Variants in RRBP1 observed in about 807,000 individuals in gnomAD.
The protein encoded by RRBP1 is ribosome binding protein 1, also known as ribosome-binding protein 1.
RRBP1 carries 94 observed loss-of-function variants against 165.2 expected under a neutral mutation model. The observed-to-expected ratio is 0.57, with a 90% CI of 0.48 to 0.68. The LOEUF is 0.68. Ranked by LOEUF, RRBP1 falls within the 30% of genes least tolerant of loss-of-function variation. The pLI is 0.00. For missense variants in RRBP1, 1,676 were observed against 1,763.0 expected, an observed-to-expected ratio of 0.95 and a Z score of 0.88; for synonymous variants, 680 against 714.5, an observed-to-expected ratio of 0.95 and a Z score of 0.77.
intron 8 of RRBP1, among the ~76,000 whole-genome samples, chr20:17,630,869 A>G (rs2036137546): frequency 6.6e-6 from 1 of 152,238 alleles, no homozygotes; most frequent in African/African-American, 2.4e-5. Context: ...CAATGCCTTT[A>G]CCAAGCTGAT....
At chr20:17,632,999 C>T (rs1282022266) in intron 8 of RRBP1, among the ~76,000 whole-genome samples, 1 of 152,188 alleles carries the variant, frequency 6.6e-6, no homozygotes, top group Non-Finnish European at 1.5e-5. Flanking sequence ...GCTGGCTGCT[C>T]CAGAGCTGCA....
chr20:17,659,806 T>A lies in RRBP1; in HGVS notation c.702A>T (p.Gly234=). 6.5e-7 allele frequency: 1 copy of A among 1,550,068 alleles called. No homozygotes were observed. Among genetic ancestry groups the A allele is most frequent in the Non-Finnish European group, 8.7e-7 (1 of 1,146,786 alleles). ...GTPNQGKKTE[G]TPNQGKKAEG... ...CTGCCTTTTTCCCTTGGTTTGGGGT[T>A]CCCTCTGTCTTTTTGCCCTGGTTTG... Residue 234 remains glycine (G), a synonymous_variant, in exon 3 of 25, where the codon GGA becomes GGT. Coordinates refer to ENST00000377813, the MANE Select transcript of RRBP1 (RefSeq NM_001365613.2).
intron 13 of RRBP1, among the ~76,000 whole-genome samples, chr20:17,623,529 G>C (rs2035954803): frequency 6.6e-6 from 1 of 152,200 alleles, no homozygotes; most frequent in African/African-American, 2.4e-5. Flanking sequence ...CTCAGACACT[G>C]GGAGACACCT....
intron 5 of RRBP1, among the ~76,000 whole-genome samples, chr20:17,637,458 G>A (rs1191097652): frequency 6.6e-6 from 1 of 152,222 alleles, no homozygotes; most frequent in Non-Finnish European, 1.5e-5. Flanking sequence ...CCTGGGGTGG[G>A]GGTGTTCCCT....
intron 13 of RRBP1, among the ~76,000 whole-genome samples, chr20:17,624,044 TAA>T: frequency 6.6e-6 from 1 of 152,040 alleles, no homozygotes; most frequent in Non-Finnish European, 1.5e-5. Context: ...AAAAAGCTCA[TAA>T]AGAGTGCAGC....
At chr20:17,639,993 A>G (rs2036321439) in intron 5 of RRBP1, among the ~76,000 whole-genome samples, 1 of 152,222 alleles carries the variant, frequency 6.6e-6, no homozygotes, top group Non-Finnish European at 1.5e-5. Context: ...GGCCAAAGGC[A>G]TCGACTACAA....
Position 17,660,185 on chromosome 20 carries a change from G to A in RRBP1, c.323C>T (p.Ala108Val), listed in dbSNP as rs1269543672. Residue 108 changes from alanine (A) to valine (V), a missense_variant, in exon 3 of 25, where the codon GCT becomes GTT. Around this residue, in one of 5 missense-constraint regions of RRBP1, gnomAD observed 392 missense variants for 382.5 expected, o/e 1.02. Coordinates refer to ENST00000377813, the MANE Select transcript of RRBP1 (RefSeq NM_001365613.2). ...EPVRAPAVAV[A>V]PTPVQPPIIV... is the part of the protein sequence containing the mutation. ...AATGGGGGGCTGCACTGGGGTTGGA[G>A]CCACAGCCACAGCAGGAGCCCGCAC... The A allele has an allele frequency of 1.2e-6, 2 of 1,613,710 alleles. No homozygotes were observed. The highest frequency in any genetic ancestry group is 1.7e-5 in the Admixed American group (1 of 60,012).
intron 2 of RRBP1, among the ~76,000 whole-genome samples, chr20:17,675,983 G>A (rs762033077): frequency 6.6e-6 from 1 of 152,244 alleles, no homozygotes; most frequent in Non-Finnish European, 1.5e-5. Context: ...CAAGGCAGGA[G>A]GACTCCTTTA....
intron 9 of RRBP1, among the ~76,000 whole-genome samples, chr20:17,629,062 G>A (rs1415567470): frequency 3.9e-5 from 6 of 152,254 alleles, no homozygotes; most frequent in Non-Finnish European, 8.8e-5. Flanking sequence ...AGACTGGCCA[G>A]AAGCATTCAC....
intron 6 of RRBP1, among the ~76,000 whole-genome samples, chr20:17,636,258 G>A (rs1404007447): frequency 6.6e-6 from 1 of 152,232 alleles, no homozygotes; most frequent in Non-Finnish European, 1.5e-5. Context: ...TCACATGAAG[G>A]GTGAGAACTT....
At chr20:17,653,980 G>A (rs941827831) in intron 3 of RRBP1, among the ~76,000 whole-genome samples, 2 of 152,150 alleles carry the variant, frequency 1.3e-5, no homozygotes, top group Admixed American at 6.5e-5. Flanking sequence ...CTAGAGAAAA[G>A]CACACTGCAC....
In RRBP1 at chr20:17,658,142, C is replaced by T. The variant is rs919303875; in HGVS notation, c.1912+454G>A. ...CTCACTCCTCACCTCTCCTTTCTCA[C>T]ATCACCTTGCAGTCCCTTCTCCCTG... On this transcript the variant is annotated intron_variant, in intron 3 of 24. Transcript: ENST00000377813. Among the ~76,000 whole-genome samples the T allele has an allele frequency of 5.3e-5, 8 of 152,364 alleles. No homozygotes were observed. The South Asian group carries it at 1.7e-3, about 32-fold the overall frequency.
intron 24 of RRBP1, 94 bp downstream of exon 24, chr20:17,614,643 A>G: frequency 2.7e-6 from 4 of 1,498,616 alleles, no homozygotes; most frequent in Non-Finnish European, 3.6e-6. Context: ...CAGCAGCTTG[A>G]CGACTCCGCC....
intron 2 of RRBP1, among the ~76,000 whole-genome samples, chr20:17,661,908 A>T (rs1175368976): frequency 6.6e-6 from 1 of 152,188 alleles, no homozygotes; most frequent in Non-Finnish European, 1.5e-5. Context: ...ACATGAGGGC[A>T]TTTTAAAGAA....
Position 17,621,743 on chromosome 20 carries a change from C to CT in RRBP1, c.3270dup (p.Glu1091ArgfsTer39). On this transcript the variant is annotated frameshift_variant, in exon 15 of 25. Transcript: ENST00000377813. LOFTEE classifies it high-confidence loss of function. ...TGCTTCAGCAGCGTGGGGCCTTTCT[C>CT]TTTGAGATCCTGCAGCCACTCGGTG... 6.2e-7 allele frequency: 1 copy of CT among 1,613,894 alleles called. No individual in the cohort carries two copies. Among genetic ancestry groups the CT allele is most frequent in the Non-Finnish European group, 8.5e-7 (1 of 1,180,014 alleles).
In RRBP1 at chr20:17,618,527, G is replaced by C. The variant is rs2035844698; in HGVS notation, c.3759+69C>G. ...TTTGAGTGGACACAAACGCATGACT[G>C]GCAAATGCATCTCACACACGCAACG... On this transcript the variant is annotated intron_variant, in intron 20 of 24. Coordinates refer to ENST00000377813, the MANE Select transcript of RRBP1 (RefSeq NM_001365613.2). 4.2e-6 allele frequency: 5 copies of C among 1,184,194 alleles called. No individual in the cohort carries two copies. The South Asian group carries it at 6.1e-5, about 14-fold the overall frequency. The allele number at this position is 1,184,194 out of a possible 1,614,324, so 73.4% of individuals were successfully genotyped here. A position where few individuals can be genotyped will look rare whatever the true frequency, so the allele number is the denominator to read the frequency against.
intron 11 of RRBP1, among the ~76,000 whole-genome samples, chr20:17,626,024 G>C (rs1210571703): frequency 1.3e-5 from 2 of 152,176 alleles, no homozygotes; most frequent in Non-Finnish European, 2.9e-5. Flanking sequence ...CAGGCCAGTG[G>C]CAAGGACACA....
At chr20:17,641,664 C>A (rs2036360950) in intron 5 of RRBP1, 133 bp downstream of exon 5, 3 of 1,132,318 alleles carry the variant, frequency 2.6e-6, no homozygotes, top group South Asian at 2.5e-5. Flanking sequence ...GCAGTCCCTA[C>A]TCAGCAGCCT....
In RRBP1 at chr20:17,616,729, A is replaced by G. The variant is rs375442920; in HGVS notation, c.3867+3T>C. 1 of 1,602,664 alleles carries G rather than the reference A, an allele frequency of 6.2e-7. No homozygotes were observed. Among genetic ancestry groups the G allele is most frequent in the East Asian group, 2.2e-5 (1 of 44,626 alleles). On this transcript the variant is annotated splice_donor_region_variant and intron_variant, in intron 21 of 24. Coordinates refer to ENST00000377813, the MANE Select transcript of RRBP1 (RefSeq NM_001365613.2). ...TGTCTGGGGACCAGCTCACCGCCCT[A>G]ACCTGAACGGGGTCCTGCTCGGCTG...
Sources: gnomAD v4.1 joint callset for allele counts (sites outside exome capture counted in the v4.1 genomes callset) on GRCh38, gnomAD v4.1.1 for gene constraint, gnomAD v4.1.1 regional missense constraint, MANE v1.5 for transcripts, NCBI Gene and HGNC (gene_info 2026-07-23, HGNC 2026-07-21) for gene names.